SCHIP1: variants seen among roughly 807,000 people sequenced by gnomAD.
SCHIP1 encodes schwannomin interacting protein 1, also known as schwannomin-interacting protein 1.
In SCHIP1, 8 loss-of-function variants were observed where a neutral mutation model predicts 29.7. The ratio of observed to expected loss-of-function variants is 0.27; its 90% CI spans 0.16 to 0.49. SCHIP1 has a LOEUF of 0.49. Ranked by LOEUF, SCHIP1 falls within the 20% of genes least tolerant of loss-of-function variation. The probability of loss-of-function intolerance (pLI) is 0.99; values close to 1 mark genes in which losing one functional copy is unlikely to be tolerated. For missense variants in SCHIP1, 193 were observed against 294.6 expected, an observed-to-expected ratio of 0.66 and a Z score of 2.52; for synonymous variants, 76 against 94.9, an observed-to-expected ratio of 0.80 and a Z score of 1.16.
the SCHIP1 span, among the ~76,000 whole-genome samples, chr3:159,311,701 G>A: frequency 6.6e-6 from 1 of 151,890 alleles, no homozygotes; most frequent in South Asian, 2.1e-4. Flanking sequence ...AAATCATATT[G>A]TGCAATGCAC....
At chr3:159,349,612 T>A in the SCHIP1 span, among the ~76,000 whole-genome samples, 1 of 152,166 alleles carries the variant, frequency 6.6e-6, no homozygotes, top group Non-Finnish European at 1.5e-5. Context: ...TTATTTTTAT[T>A]ATCATTGTGG....
chr3:159,708,479 T>A, the SCHIP1 span, among the ~76,000 whole-genome samples: 1 of 152,202 alleles, frequency 6.6e-6, no homozygotes, highest in African/African-American at 2.4e-5. Flanking sequence ...GAATTTTTTT[T>A]AAGTTGCATA....
the SCHIP1 span, among the ~76,000 whole-genome samples, chr3:159,429,529 A>G: frequency 6.6e-6 from 1 of 152,162 alleles, no homozygotes; most frequent in South Asian, 2.1e-4. Flanking sequence ...GAGAGCAGGG[A>G]ACCATAATGA....
At chr3:159,414,785 A>G in the SCHIP1 span, among the ~76,000 whole-genome samples, 1 of 152,164 alleles carries the variant, frequency 6.6e-6, no homozygotes, top group South Asian at 2.1e-4. Flanking sequence ...GTTCAACCTC[A>G]GATCATCAGG....
chr3:159,679,686 GC>G, the SCHIP1 span, among the ~76,000 whole-genome samples: 1 of 152,106 alleles, frequency 6.6e-6, no homozygotes, highest in Admixed American at 6.5e-5. Flanking sequence ...TTTCCCAGGA[GC>G]ACAGGGCTCT....
At chr3:159,451,381 T>C in the SCHIP1 span, among the ~76,000 whole-genome samples, 1 of 152,368 alleles carries the variant, frequency 6.6e-6, no homozygotes, top group South Asian at 2.1e-4. Context: ...ATAAACCACT[T>C]GAGAATCACA....
At chr3:159,571,122 T>C in the SCHIP1 span, among the ~76,000 whole-genome samples, 1 of 147,896 alleles carries the variant, frequency 6.8e-6, no homozygotes, top group African/African-American at 2.4e-5. Context: ...CCTAACTGAA[T>C]ACCCTTTCTT....
At chr3:159,691,626 A>G in the SCHIP1 span, among the ~76,000 whole-genome samples, 1 of 152,028 alleles carries the variant, frequency 6.6e-6, no homozygotes, top group East Asian at 1.9e-4. Flanking sequence ...TTATGTGTGA[A>G]TTTGATCCTG....
chr3:159,338,433 T>G, the SCHIP1 span, among the ~76,000 whole-genome samples: 3 of 152,118 alleles, frequency 2.0e-5, no homozygotes, highest in Admixed American at 1.3e-4. Context: ...TGCCAGGGTG[T>G]CTGGTGGACA....
the SCHIP1 span, among the ~76,000 whole-genome samples, chr3:159,496,205 A>C: frequency 2.6e-3 from 402 of 152,334 alleles, 2 homozygotes; most frequent in Non-Finnish European, 1.7e-3. Flanking sequence ...CAAGGACTTC[A>C]TGTCTAAAAC....
At chr3:159,746,972 A>G in the SCHIP1 span, among the ~76,000 whole-genome samples, 1 of 152,272 alleles carries the variant, frequency 6.6e-6, no homozygotes, top group South Asian at 2.1e-4. Flanking sequence ...CCTTTTCCAT[A>G]GCACTCTTTT....
At chr3:159,305,360 T>C in the SCHIP1 span, among the ~76,000 whole-genome samples, 18 of 152,254 alleles carry the variant, frequency 1.2e-4, no homozygotes, top group Non-Finnish European at 2.5e-4. Context: ...AACTCCTTTG[T>C]TATCTCAGAG....
chr3:159,278,464 T>A, the SCHIP1 span, among the ~76,000 whole-genome samples: 1 of 152,152 alleles, frequency 6.6e-6, no homozygotes, highest in African/African-American at 2.4e-5. Context: ...CTACAATGCA[T>A]AAAAAAGAAA....
At chr3:159,637,418 CA>C in the SCHIP1 span, among the ~76,000 whole-genome samples, 4 of 145,532 alleles carry the variant, frequency 2.7e-5, no homozygotes, top group African/African-American at 8.2e-5. Context: ...CACACACACA[CA>C]CACCTGACTC....
chr3:159,346,099 C>G, the SCHIP1 span, among the ~76,000 whole-genome samples: 1 of 150,524 alleles, frequency 6.6e-6, no homozygotes, highest in Non-Finnish European at 1.5e-5. Context: ...GAGGCTGAGG[C>G]AGGAAAATTG....
the SCHIP1 span, among the ~76,000 whole-genome samples, chr3:159,326,447 A>T: frequency 6.6e-6 from 1 of 152,130 alleles, no homozygotes; most frequent in Non-Finnish European, 1.5e-5. Context: ...AACGATTACA[A>T]TTATGTCCAA....
the SCHIP1 span, among the ~76,000 whole-genome samples, chr3:159,807,293 G>A: frequency 6.6e-6 from 1 of 152,128 alleles, no homozygotes; most frequent in Non-Finnish European, 1.5e-5. Flanking sequence ...GAAAGTGGAT[G>A]GAAGAGGCTC....
chr3:159,745,407 G>C, the SCHIP1 span, among the ~76,000 whole-genome samples: 1 of 152,138 alleles, frequency 6.6e-6, no homozygotes, highest in Non-Finnish European at 1.5e-5. Context: ...TTCTTTAAGC[G>C]GGAGAGATGG....
At chr3:159,446,509 G>T in the SCHIP1 span, among the ~76,000 whole-genome samples, 3 of 149,300 alleles carry the variant, frequency 2.0e-5, no homozygotes, top group Non-Finnish European at 3.0e-5. Flanking sequence ...CAGCAATACA[G>T]TATTGTTGCA....
Sources: gnomAD v4.1 joint callset for allele counts (sites outside exome capture counted in the v4.1 genomes callset) on GRCh38, gnomAD v4.1.1 for gene constraint, MANE v1.5 for transcripts, NCBI Gene and HGNC (gene_info 2026-07-23, HGNC 2026-07-21) for gene names.